RNF115: variants seen among roughly 807,000 people sequenced by gnomAD.
RNF115 encodes E3 ubiquitin-protein ligase RNF115.
Under a neutral mutation model 39.2 loss-of-function variants are expected in RNF115, and 31 were observed. The ratio of observed to expected loss-of-function variants is 0.79; its 90% CI spans 0.59 to 1.07. The LOEUF is 1.07. Ranked by LOEUF, RNF115 falls within the 50% of genes least tolerant of loss-of-function variation. The pLI, the probability that RNF115 is intolerant of heterozygous loss-of-function variation, is 0.00. For missense variants in RNF115, 384 were observed against 381.7 expected (o/e 1.01, Z -0.05); for synonymous variants, 124 against 131.0 (o/e 0.95, Z 0.37).
intron 1 of RNF115, among the ~76,000 whole-genome samples, chr1:145,791,444 C>A (rs1191023451): frequency 6.8e-6 from 1 of 146,680 alleles, no homozygotes; most frequent in East Asian, 2.0e-4. Flanking sequence ...CCCAGGAGGT[C>A]AAGGTTGGAG....
At chr1:145,800,979 G>C (rs1389113674) in intron 1 of RNF115, among the ~76,000 whole-genome samples, 1 of 151,998 alleles carries the variant, frequency 6.6e-6, no homozygotes, top group African/African-American at 2.4e-5. Context: ...GACCATCCTG[G>C]CTAACACGGT....
At chr1:145,764,952 T>C (rs1191550814) in intron 4 of RNF115, among the ~76,000 whole-genome samples, 1 of 152,216 alleles carries the variant, frequency 6.6e-6, no homozygotes, top group Non-Finnish European at 1.5e-5. Flanking sequence ...CGGGCCATGA[T>C]GACGATGGCG....
intron 4 of RNF115, among the ~76,000 whole-genome samples, chr1:145,767,672 G>T (rs1270650562): frequency 2.6e-5 from 4 of 152,210 alleles, no homozygotes; most frequent in African/African-American, 4.8e-5. Context: ...CTGCACTCCA[G>T]CCTGGGCACC....
At chr1:145,764,182 C>T (rs587628064) in intron 4 of RNF115, among the ~76,000 whole-genome samples, 26 of 152,324 alleles carry the variant, frequency 1.7e-4, no homozygotes, top group Non-Finnish European at 3.7e-4. Context: ...TCCCGAGGTG[C>T]CGGGATTGCA....
chr1:145,814,585 A>G (rs1649896458), intron 1 of RNF115, among the ~76,000 whole-genome samples: 1 of 151,968 alleles, frequency 6.6e-6, no homozygotes, highest in African/African-American at 2.4e-5. Context: ...TCCGTTTAAA[A>G]AAAAAAAAAA....
Position 145,806,216 on chromosome 1 carries a change from C to A in RNF115, c.103-17250G>T, listed in dbSNP as rs369385695. 1.9e-4 allele frequency among the ~76,000 whole-genome samples: 29 copies of A among 152,162 alleles called. 2 individuals carry two copies. Among genetic ancestry groups the A allele is most frequent in the East Asian group, 3.9e-4 (2 of 5,178 alleles). ...TACAAAAATTAGCTGGGCATTGTGG[C>A]CCACACCTGTAATCCCAGCTGCTCA... is the stretch of plus-strand genomic sequence containing the variant. On this transcript the variant is annotated intron_variant, in intron 1 of 8. Transcript: ENST00000582693.
chr1:145,793,057 G>C (rs1462108691), intron 1 of RNF115, among the ~76,000 whole-genome samples: 1 of 152,154 alleles, frequency 6.6e-6, no homozygotes, highest in Non-Finnish European at 1.5e-5. Flanking sequence ...GGTGGCTCAC[G>C]CCTATAATCT....
chr1:145,752,936 G>A (rs782471941), intron 5 of RNF115, 42 bp downstream of exon 5: 46 of 1,365,810 alleles, frequency 3.4e-5, no homozygotes, highest in Non-Finnish European at 4.6e-5. Flanking sequence ...CCTAAAATAT[G>A]TCACTCCAAT....
At chr1:145,765,888 T>C (rs1647231773) in intron 4 of RNF115, among the ~76,000 whole-genome samples, 1 of 152,122 alleles carries the variant, frequency 6.6e-6, no homozygotes, top group Non-Finnish European at 1.5e-5. Context: ...TCAAAGAAAA[T>C]GGACCTCATT....
chr1:145,811,326 T>C (rs1553722490), intron 1 of RNF115, among the ~76,000 whole-genome samples: 1 of 122,642 alleles, frequency 8.2e-6, no homozygotes, highest in African/African-American at 3.1e-5. Flanking sequence ...AAAACCAGCC[T>C]GGGCAACTAA....
chr1:145,756,869 C>T lies in RNF115; in HGVS notation c.429-3820G>A, dbSNP rs1444249106. Among the ~76,000 whole-genome samples, 4 of 127,946 alleles carry T rather than the reference C, an allele frequency of 3.1e-5. No homozygotes were observed. The East Asian group carries it at 9.5e-4, about 30-fold the overall frequency. 83.9% of individuals were successfully genotyped at this position (127,946 alleles called of 152,430 possible). ...TTTTTTTTTTTTTGAGGCAGAGTCT[C>T]ACTCTCGCCCAGGCCAGAGTGCAGT... On this transcript the variant is annotated intron_variant, in intron 4 of 8. Transcript: ENST00000582693.
At chr1:145,766,429 AATCT>A (rs1488269954) in intron 4 of RNF115, among the ~76,000 whole-genome samples, 2 of 152,072 alleles carry the variant, frequency 1.3e-5, no homozygotes, top group Non-Finnish European at 2.9e-5. Flanking sequence ...CTGATTTCTC[AATCT>A]TTTCCTCACC....
chr1:145,809,825 T>TAAAA (rs1308891483), intron 1 of RNF115, among the ~76,000 whole-genome samples: 37 of 121,036 alleles, frequency 3.1e-4, no homozygotes, highest in African/African-American at 1.1e-3. Context: ...CACTGGTACC[T>TAAAA]CCATCATTTT....
chr1:145,763,324 G>A (rs905592200), intron 4 of RNF115, among the ~76,000 whole-genome samples: 2 of 152,144 alleles, frequency 1.3e-5, no homozygotes, highest in African/African-American at 2.4e-5. Flanking sequence ...AAATCAAAGA[G>A]GCTTCCTTTA....
chr1:145,764,409 C>T (rs1020152321), intron 4 of RNF115, among the ~76,000 whole-genome samples: 37 of 151,722 alleles, frequency 2.4e-4, no homozygotes, highest in African/African-American at 8.7e-4. Flanking sequence ...CTCTGCCGGC[C>T]GCCCATCGTC....
intron 1 of RNF115, among the ~76,000 whole-genome samples, chr1:145,801,664 G>T (rs1284151950): frequency 1.3e-5 from 2 of 152,112 alleles, no homozygotes; most frequent in East Asian, 3.8e-4. Flanking sequence ...CTATTAATAC[G>T]TCAAGTCTTC....
chr1:145,813,395 GT>G (rs1649821640), intron 1 of RNF115, among the ~76,000 whole-genome samples: 1 of 152,166 alleles, frequency 6.6e-6, no homozygotes, highest in African/African-American at 2.4e-5. Context: ...AAAACTAAAA[GT>G]TAGGCTTGTT....
At chr1:145,791,793 T>A (rs587657063) in intron 1 of RNF115, among the ~76,000 whole-genome samples, 4 of 152,332 alleles carry the variant, frequency 2.6e-5, no homozygotes, top group Admixed American at 2.6e-4. Context: ...TGCCTTATAA[T>A]AATTTTTTAA....
chr1:145,800,395 C>A (rs187419050), intron 1 of RNF115, among the ~76,000 whole-genome samples: 1 of 152,252 alleles, frequency 6.6e-6, no homozygotes, highest in African/African-American at 2.4e-5. Context: ...GACCTCTCAG[C>A]CCATATATTC....
Sources: gnomAD v4.1 joint callset for allele counts (sites outside exome capture counted in the v4.1 genomes callset) on GRCh38, gnomAD v4.1.1 for gene constraint, MANE v1.5 for transcripts, NCBI Gene and HGNC (gene_info 2026-07-23, HGNC 2026-07-21) for gene names.